AMMECR1: variants seen among roughly 807,000 people sequenced by gnomAD.
AMMECR1 encodes nuclear protein AMMECR1.
AMMECR1 carries 3 observed loss-of-function variants against 22.5 expected under a neutral mutation model. The ratio of observed to expected loss-of-function variants is 0.13; its 90% CI spans 0.06 to 0.35. The LOEUF is 0.35. Among genes scored for constraint, AMMECR1 ranks in the 10% least tolerant of loss-of-function variants. The pLI is 1.00. For synonymous variants in AMMECR1, 130 were observed against 116.7 expected (o/e 1.11, Z -0.74); for missense variants, 235 against 278.7 (o/e 0.84, Z 1.12).
intron 2 of AMMECR1, among the ~76,000 whole-genome samples, chrX:110,425,886 C>A (rs188684523): frequency 2.4e-4 from 27 of 112,442 alleles, no homozygotes; most frequent in East Asian, 8.4e-4. Context: ...CAAATGTATT[C>A]ATTTCATTTC....
At chrX:110,270,656 C>G (rs1190592192) in intron 1 of AMMECR1, among the ~76,000 whole-genome samples, 2 of 111,968 alleles carry the variant, frequency 1.8e-5, no homozygotes, top group African/African-American at 6.5e-5. Context: ...GAGAAGACAC[C>G]AGGACAAACT....
In AMMECR1 at chrX:110,201,088, C is replaced by T. The variant is rs898285310; in HGVS notation, c.791-38G>A. 10 of 938,221 alleles carry T rather than the reference C, an allele frequency of 1.1e-5. No homozygotes were observed. The African/African-American group carries it at 1.9e-4, about 18-fold the overall frequency. 77.3% of individuals were successfully genotyped at this position (938,221 alleles called of 1,213,427 possible). A position where few individuals can be genotyped will look rare whatever the true frequency, so the allele number is the denominator to read the frequency against. The stretch of plus-strand genomic sequence containing the variant: ...GACCAGATAAAATATCAGTCAAGCA[C>T]ATGTAACAAACACCTTTCATTAAAT... On this transcript the variant is annotated intron_variant, in intron 4 of 5. Transcript: ENST00000262844.
chrX:110,199,820 A>G (rs2067388023), intron 5 of AMMECR1, among the ~76,000 whole-genome samples: 1 of 110,456 alleles, frequency 9.1e-6, no homozygotes, highest in Non-Finnish European at 1.9e-5. Flanking sequence ...CCTGTTTCCA[A>G]TTCCATTCTT....
intron 2 of AMMECR1, among the ~76,000 whole-genome samples, chrX:110,356,344 G>A (rs1437357051): frequency 5.5e-5 from 6 of 108,396 alleles, no homozygotes; most frequent in Non-Finnish European, 9.6e-5. Flanking sequence ...TAGTGGAGAC[G>A]GGGTTTCACC....
At chrX:110,269,252 A>G (rs1340846192) in intron 1 of AMMECR1, among the ~76,000 whole-genome samples, 1 of 112,122 alleles carries the variant, frequency 8.9e-6, no homozygotes, top group Non-Finnish European at 1.9e-5. Context: ...AATCAGAAAT[A>G]TGTTTGCAGG....
chrX:110,215,036 TTTTC>T (rs774045782), intron 3 of AMMECR1, among the ~76,000 whole-genome samples: 1 of 112,378 alleles, frequency 8.9e-6, no homozygotes, highest in African/African-American at 3.2e-5. Flanking sequence ...ATTTGTAGAC[TTTTC>T]TTTAAGAAAA....
At chrX:110,392,272 GTT>G (rs377409601) in intron 2 of AMMECR1, among the ~76,000 whole-genome samples, 91 of 85,060 alleles carry the variant, frequency 1.1e-3, no homozygotes, top group Middle Eastern at 6.7e-3. Context: ...TCTACCACAG[GTT>G]TTTTTTTTTT....
At chrX:110,365,409 T>C (rs1416311637) in intron 2 of AMMECR1, among the ~76,000 whole-genome samples, 1 of 112,470 alleles carries the variant, frequency 8.9e-6, no homozygotes, top group Non-Finnish European at 1.9e-5. Flanking sequence ...AATAATCACT[T>C]ACCTTATTGC....
At chrX:110,439,524 A>G (rs1490158664) in intron 1 of AMMECR1, among the ~76,000 whole-genome samples, 1 of 112,231 alleles carries the variant, frequency 8.9e-6, no homozygotes, top group Non-Finnish European at 1.9e-5. Context: ...CTGTGCTCAC[A>G]ATAATAGCTG....
chrX:110,372,178 A>T (rs191513273), intron 2 of AMMECR1, among the ~76,000 whole-genome samples: 2 of 111,924 alleles, frequency 1.8e-5, no homozygotes, highest in African/African-American at 6.5e-5. Flanking sequence ...CCTATTCGTT[A>T]TTGTTTCCTG....
At chrX:110,235,272 C>G (rs894113159) in intron 2 of AMMECR1, among the ~76,000 whole-genome samples, 11 of 112,134 alleles carry the variant, frequency 9.8e-5, no homozygotes, top group Non-Finnish European at 2.1e-4. Flanking sequence ...AAATCAAAAC[C>G]ACAATGAGAT....
chrX:110,299,946 G>C (rs985555950), intron 1 of AMMECR1, among the ~76,000 whole-genome samples: 1 of 111,968 alleles, frequency 8.9e-6, no homozygotes, highest in Non-Finnish European at 1.9e-5. Flanking sequence ...TGGACACTTA[G>C]GTTGTTATCT....
intron 5 of AMMECR1, among the ~76,000 whole-genome samples, chrX:110,199,172 C>T (rs2067385099): frequency 9.0e-6 from 1 of 111,549 alleles, no homozygotes; most frequent in African/African-American, 3.3e-5. Context: ...TACTACTCAG[C>T]TCAGTGCTCC....
intron 1 of AMMECR1, among the ~76,000 whole-genome samples, chrX:110,291,386 C>T (rs1284991228): frequency 2.7e-5 from 3 of 110,442 alleles, no homozygotes; most frequent in East Asian, 5.7e-4. Context: ...AATTAGCCGG[C>T]GTGGTGGTGC....
chrX:110,235,211 C>T (rs914785882), intron 2 of AMMECR1, among the ~76,000 whole-genome samples: 24 of 112,242 alleles, frequency 2.1e-4, no homozygotes, highest in Non-Finnish European at 1.7e-4. Flanking sequence ...ATTTATGCAG[C>T]CAACAGACAC....
chrX:110,219,794 A>G (rs1459229726), intron 2 of AMMECR1, among the ~76,000 whole-genome samples: 1 of 112,305 alleles, frequency 8.9e-6, no homozygotes, highest in Admixed American at 9.4e-5. Context: ...AGAGACATTT[A>G]AACAAGACTT....
intron 2 of AMMECR1, among the ~76,000 whole-genome samples, chrX:110,389,305 T>G (rs1208420103): frequency 8.9e-6 from 1 of 112,821 alleles, no homozygotes; most frequent in Non-Finnish European, 1.9e-5. Context: ...TGTAAAATGT[T>G]GTTTAGGAAA....
At chrX:110,283,284 A>T (rs775300243) in intron 1 of AMMECR1, among the ~76,000 whole-genome samples, 1 of 112,134 alleles carries the variant, frequency 8.9e-6, no homozygotes, top group Non-Finnish European at 1.9e-5. Context: ...AGAAAAGTCA[A>T]TTACTCATAT....
At chrX:110,409,546 G>A (rs927915729) in intron 2 of AMMECR1, among the ~76,000 whole-genome samples, 6 of 111,400 alleles carry the variant, frequency 5.4e-5, no homozygotes, top group Non-Finnish European at 9.4e-5. Context: ...AGTATTGTAC[G>A]TATAATCTGT....
Sources: allele counts gnomAD v4.1 joint callset (sites outside exome capture counted in the v4.1 genomes callset), GRCh38; gene constraint gnomAD v4.1.1; transcripts MANE v1.5; gene names NCBI Gene and HGNC (gene_info 2026-07-23, HGNC 2026-07-21).